The following SDK1 variants were observed in gnomAD, a reference collection of about 807,000 sequenced individuals.
The protein encoded by SDK1 is sidekick cell adhesion molecule 1.
In SDK1, 157 loss-of-function variants were observed where a neutral mutation model predicts 245.5. The observed-to-expected ratio is 0.64, with a 90% CI of 0.56 to 0.73. The LOEUF (loss-of-function observed/expected upper bound fraction) is 0.73, where lower values mean the gene tolerates loss of function less well. SDK1 is among the 30% of genes least tolerant of loss of function. The pLI is 0.00. For missense variants in SDK1, 3,583 were observed against 3,002.3 expected (o/e 1.19, Z -4.52); for synonymous variants, 1,647 against 1,278.5 (o/e 1.29, Z -6.15).
chr7:3,475,103 C>T (rs1257314780), intron 1 of SDK1, among the ~76,000 whole-genome samples: 1 of 152,170 alleles, frequency 6.6e-6, no homozygotes, highest in African/African-American at 2.4e-5. Context: ...ATCATGATAT[C>T]CTCTTGCTTA....
At chr7:4,122,494 A>T (rs1209361004) in intron 25 of SDK1, among the ~76,000 whole-genome samples, 2 of 152,230 alleles carry the variant, frequency 1.3e-5, no homozygotes, top group East Asian at 3.9e-4. Flanking sequence ...AGTGTGCAGG[A>T]GTGCTGAAAA....
rs141067430 is a variant in SDK1, at chr7:4,169,155, C to G, written c.4801-5067C>G. Among the ~76,000 whole-genome samples the G allele has an allele frequency of 2.4e-4, 36 of 152,354 alleles. No individual in the cohort carries two copies. The East Asian group carries it at 7.0e-3, about 29-fold the overall frequency. On this transcript the variant is annotated intron_variant, in intron 32 of 44. Coordinates refer to ENST00000404826, the MANE Select transcript of SDK1 (RefSeq NM_152744.4). ...CTCTCATTCAGCAAAGGGCTCCTGT[C>G]AGTGCATTTTTGCAAGACTGGTTGT...
At chr7:3,578,045 G>C (rs1399455012) in intron 1 of SDK1, among the ~76,000 whole-genome samples, 3 of 151,932 alleles carry the variant, frequency 2.0e-5, no homozygotes, top group Middle Eastern at 3.4e-3. Context: ...TCCTTCCCTT[G>C]TTTTTTTGTA....
intron 5 of SDK1, among the ~76,000 whole-genome samples, chr7:3,923,366 A>T (rs1779659999): frequency 6.6e-6 from 1 of 152,188 alleles, no homozygotes; most frequent in Admixed American, 6.5e-5. Flanking sequence ...GAGAGCCTAC[A>T]GTTCACTGCA....
intron 30 of SDK1, among the ~76,000 whole-genome samples, chr7:4,158,067 G>T (rs1382839918): frequency 1.3e-5 from 2 of 152,188 alleles, no homozygotes; most frequent in Non-Finnish European, 2.9e-5. Context: ...CGACTAGAGT[G>T]CAGGGGTGGC....
intron 1 of SDK1, among the ~76,000 whole-genome samples, chr7:3,480,998 A>G (rs1211536405): frequency 1.3e-5 from 2 of 152,178 alleles, no homozygotes; most frequent in Admixed American, 6.5e-5. Flanking sequence ...CATTATGTAT[A>G]TAGATTTTGA....
At chr7:3,515,623 T>C (rs745871478) in intron 1 of SDK1, among the ~76,000 whole-genome samples, 1 of 152,214 alleles carries the variant, frequency 6.6e-6, no homozygotes, top group Non-Finnish European at 1.5e-5. Context: ...AATTTAAAAC[T>C]GAAGGAACAA....
intron 1 of SDK1, among the ~76,000 whole-genome samples, chr7:3,466,595 A>G (rs982221665): frequency 6.6e-6 from 1 of 151,064 alleles, no homozygotes; most frequent in Non-Finnish European, 1.5e-5. Flanking sequence ...ATATGAGGAT[A>G]TCTGTTTTTT....
intron 5 of SDK1, among the ~76,000 whole-genome samples, chr7:3,902,360 T>G (rs182223112): frequency 2.0e-5 from 3 of 152,306 alleles, no homozygotes; most frequent in Admixed American, 2.0e-4. Flanking sequence ...TTTACCCACT[T>G]ATTCAATCCT....
intron 5 of SDK1, among the ~76,000 whole-genome samples, chr7:3,934,049 C>G (rs1212687296): frequency 6.6e-6 from 1 of 152,188 alleles, no homozygotes; most frequent in Non-Finnish European, 1.5e-5. Flanking sequence ...CGCACGGCAT[C>G]CAGGCAGGCC....
chr7:3,394,840 G>A (rs1452458001), intron 1 of SDK1, among the ~76,000 whole-genome samples: 9 of 151,684 alleles, frequency 5.9e-5, no homozygotes, highest in African/African-American at 2.2e-4. Flanking sequence ...TTTATATATT[G>A]ATCTTGTATT....
chr7:3,353,529 T>C (rs1393439178), intron 1 of SDK1, among the ~76,000 whole-genome samples: 1 of 152,190 alleles, frequency 6.6e-6, no homozygotes, highest in Admixed American at 6.5e-5. Context: ...TTTGTAAAAT[T>C]GGAAAAGTAA....
chr7:3,358,004 C>A (rs148313246), intron 1 of SDK1, among the ~76,000 whole-genome samples: 3 of 151,850 alleles, frequency 2.0e-5, no homozygotes, highest in Non-Finnish European at 4.4e-5. Flanking sequence ...ATAAGCTATT[C>A]CCAGTCATTT....
chr7:4,197,389 G>T (rs1331779543), intron 35 of SDK1, among the ~76,000 whole-genome samples: 1 of 152,214 alleles, frequency 6.6e-6, no homozygotes, highest in Non-Finnish European at 1.5e-5. Context: ...TTGGGAGGCT[G>T]AGGTGGGAGG....
At chr7:3,595,676 G>C (rs528371122) in intron 1 of SDK1, among the ~76,000 whole-genome samples, 1 of 151,830 alleles carries the variant, frequency 6.6e-6, no homozygotes, top group African/African-American at 2.4e-5. Flanking sequence ...CTTCCTGCGT[G>C]ACTTTGAACT....
At chr7:3,816,834 TA>T (rs1779518772) in intron 4 of SDK1, among the ~76,000 whole-genome samples, 1 of 152,198 alleles carries the variant, frequency 6.6e-6, no homozygotes. Flanking sequence ...GTTGCTTAAT[TA>T]AAATGGAGAA....
At chr7:3,503,857 A>G (rs952390829) in intron 1 of SDK1, among the ~76,000 whole-genome samples, 2 of 152,090 alleles carry the variant, frequency 1.3e-5, no homozygotes, top group Non-Finnish European at 2.9e-5. Flanking sequence ...TAATGTTAAA[A>G]TATGTAGATA....
At chr7:3,621,183 G>A (rs1425832243) in intron 2 of SDK1, among the ~76,000 whole-genome samples, 1 of 152,176 alleles carries the variant, frequency 6.6e-6, no homozygotes, top group African/African-American at 2.4e-5. Context: ...GTAAGGCTCA[G>A]TTTGTTAGAA....
intron 31 of SDK1, among the ~76,000 whole-genome samples, chr7:4,160,335 C>G (rs150697177): frequency 5.4e-4 from 83 of 152,296 alleles, no homozygotes; most frequent in African/African-American, 1.8e-3. Flanking sequence ...GCAACAGCCT[C>G]CTTTGACCTC....
Sources: allele counts gnomAD v4.1 joint callset (sites outside exome capture counted in the v4.1 genomes callset), GRCh38; gene constraint gnomAD v4.1.1; transcripts MANE v1.5; gene names NCBI Gene and HGNC (gene_info 2026-07-23, HGNC 2026-07-21).